Variants in DNASE1 observed in about 807,000 individuals in gnomAD.
DNASE1 encodes deoxyribonuclease-1.
A neutral mutation model predicts 33.9 loss-of-function variants in DNASE1; 40 were observed. The ratio of observed to expected loss-of-function variants is 1.18; its 90% CI spans 0.92 to 1.54. DNASE1 has a LOEUF of 1.54. DNASE1 is among the 40% of genes most tolerant of loss of function. DNASE1 has a pLI of 0.00. For missense variants in DNASE1, 518 were observed against 372.6 expected (o/e 1.39, Z -3.21); for synonymous variants, 216 against 160.0 (o/e 1.35, Z -2.64).
chr16:3,648,497 G>T (rs950352652), intron 1 of DNASE1, among the ~76,000 whole-genome samples: 1 of 152,142 alleles, frequency 6.6e-6, no homozygotes, highest in African/African-American at 2.4e-5. Context: ...CAGAGGTGAA[G>T]CTTGCAGAGA....
chr16:3,644,759 T>C (rs2042123311), intron 1 of DNASE1, among the ~76,000 whole-genome samples: 1 of 142,894 alleles, frequency 7.0e-6, no homozygotes, highest in Non-Finnish European at 1.5e-5. Context: ...AAATAAAAAA[T>C]CCAGTAGGTG....
At chr16:3,642,301 G>A (rs765524998), upstream of DNASE1, among the ~76,000 whole-genome samples, 1 of 152,218 alleles carries the variant, frequency 6.6e-6, no homozygotes, top group Non-Finnish European at 1.5e-5. Context: ...CCCATTAGGA[G>A]CCATCCTTGG....
chr16:3,621,523 A>G (rs1389141245), intron 1 of DNASE1, among the ~76,000 whole-genome samples: 2 of 152,190 alleles, frequency 1.3e-5, no homozygotes, highest in Admixed American at 6.6e-5. Context: ...AATATTCCAG[A>G]TAATTCTGTG....
intron 1 of DNASE1, among the ~76,000 whole-genome samples, chr16:3,622,144 C>T (rs895945682): frequency 2.0e-4 from 29 of 147,026 alleles, no homozygotes; most frequent in Admixed American, 9.7e-4. Flanking sequence ...CGCTTGAACC[C>T]GGAAGGTGGA....
chr16:3,622,336 A>G (rs934469956), intron 1 of DNASE1, among the ~76,000 whole-genome samples: 1 of 151,844 alleles, frequency 6.6e-6, no homozygotes, highest in Non-Finnish European at 1.5e-5. Flanking sequence ...TTACTATTTC[A>G]GCGGTTAAAA....
Position 3,655,536 on chromosome 16 carries a change from C to T in DNASE1, c.147+16C>T, listed in dbSNP as rs1409814890. 6.2e-7 allele frequency: 1 copy of T among 1,613,928 alleles called. No individual in the cohort carries two copies. Among genetic ancestry groups the T allele is most frequent in the African/African-American group, 1.3e-5 (1 of 75,060 alleles). ...CATTGTGCAGGTGAGGCCAGGGCAG[C>T]CTCCCCCCAAAAGCAGAGGAGCTCT... On this transcript the variant is annotated intron_variant, in intron 2 of 8. Transcript: ENST00000246949.
At chr16:3,662,646 TTC>T (rs1332111792), downstream of DNASE1, 83 of 677,374 alleles carry the variant, frequency 1.2e-4, no homozygotes, top group Middle Eastern at 9.4e-4. Context: ...GGTTTTTCAG[TTC>T]TCAGTTCACA....
chr16:3,645,294 G>T (rs920934048), intron 1 of DNASE1, among the ~76,000 whole-genome samples: 3 of 152,192 alleles, frequency 2.0e-5, no homozygotes, highest in Admixed American at 6.5e-5. Flanking sequence ...TGCTGAGAAG[G>T]CCTTTGTACT....
chr16:3,655,117 T>TC (rs2042508050), intron 1 of DNASE1, 73 bp downstream of exon 1: 1 of 600,714 alleles, frequency 1.7e-6, no homozygotes, highest in African/African-American at 1.9e-5. Context: ...AGTCTCATCC[T>TC]CCAGCAGCGA....
intron 1 of DNASE1, among the ~76,000 whole-genome samples, chr16:3,627,225 T>C (rs532864424): frequency 5.3e-4 from 81 of 152,010 alleles, no homozygotes; most frequent in African/African-American, 1.9e-3. Flanking sequence ...TTGTTTGACA[T>C]TAATATAGCC....
chr16:3,625,656 A>G (rs1162442268), intron 1 of DNASE1, among the ~76,000 whole-genome samples: 1 of 152,056 alleles, frequency 6.6e-6, no homozygotes, highest in African/African-American at 2.4e-5. Context: ...CGGCCAATAT[A>G]GAATAAAGGT....
chr16:3,619,846 G>C (rs765899485), intron 1 of DNASE1, among the ~76,000 whole-genome samples: 6 of 151,218 alleles, frequency 4.0e-5, no homozygotes, highest in Non-Finnish European at 7.4e-5. Context: ...TCCATTTACA[G>C]CTCTACTAAA....
intron 4 of DNASE1, among the ~76,000 whole-genome samples, chr16:3,656,414 G>A (rs902841909): frequency 8.0e-6 from 1 of 125,712 alleles, no homozygotes; most frequent in Non-Finnish European, 1.7e-5. Context: ...TTGAGCAGGT[G>A]CCTGGCTCCC....
At chr16:3,654,385 C>T (rs45522434), upstream of DNASE1, 1 of 398,754 alleles carries the variant, frequency 2.5e-6, no homozygotes, top group Non-Finnish European at 4.4e-6. Context: ...GTTGCCTGCA[C>T]CTGATGGCGA....
chr16:3,658,863 T>G (rs1567216339), downstream of DNASE1: 3 of 1,614,052 alleles, frequency 1.9e-6, no homozygotes, highest in South Asian at 3.3e-5. Flanking sequence ...GATGAGCGCG[T>G]GCCTGCAACA....
intron 1 of DNASE1, among the ~76,000 whole-genome samples, chr16:3,619,604 G>C (rs372649444): frequency 1.3e-5 from 2 of 151,714 alleles, no homozygotes; most frequent in African/African-American, 2.4e-5. Flanking sequence ...CTTGTGATCT[G>C]CCCACCTCGG....
At chr16:3,647,730 G>A (rs1040636542) in intron 1 of DNASE1, among the ~76,000 whole-genome samples, 2 of 152,192 alleles carry the variant, frequency 1.3e-5, no homozygotes, top group African/African-American at 2.4e-5. Flanking sequence ...AAGGCCAGGT[G>A]TTGTAGCTCA....
At chr16:3,664,508 A>G (rs1375014085) in exon 10 of DNASE1, 2 of 1,551,114 alleles carry the variant, frequency 1.3e-6, no homozygotes, top group African/African-American at 1.4e-5. Context: ...CATGGGCTCA[A>G]TGTTGCCCAA....
chr16:3,645,397 C>T (rs956579419), intron 1 of DNASE1, among the ~76,000 whole-genome samples: 2 of 152,214 alleles, frequency 1.3e-5, no homozygotes, highest in South Asian at 2.1e-4. Context: ...AGTTGCAGTT[C>T]GCCTTGTGGC....
Sources: allele counts gnomAD v4.1 joint callset (sites outside exome capture counted in the v4.1 genomes callset), GRCh38; gene constraint gnomAD v4.1.1; transcripts MANE v1.5; gene names NCBI Gene and HGNC (gene_info 2026-07-23, HGNC 2026-07-21).